The following COBLL1 variants were observed in gnomAD, a reference collection of about 807,000 sequenced individuals.
COBLL1 encodes cordon-bleu WH2 repeat protein like 1.
COBLL1 carries 50 observed loss-of-function variants against 94.8 expected under a neutral mutation model. The ratio of observed to expected loss-of-function variants is 0.53; its 90% CI spans 0.42 to 0.67. The LOEUF (loss-of-function observed/expected upper bound fraction) is 0.67. Among genes scored for constraint, COBLL1 ranks in the 30% least tolerant of loss-of-function variants. The probability of loss-of-function intolerance (pLI) is 0.00; values close to 1 mark genes in which losing one functional copy is unlikely to be tolerated. For missense variants in COBLL1, 1,362 were observed against 1,348.7 expected, an observed-to-expected ratio of 1.01 and a Z score of -0.15; for synonymous variants, 448 against 473.8, an observed-to-expected ratio of 0.95 and a Z score of 0.71.
rs553058065 is a variant in COBLL1 at position 164,662,223 on chromosome 2, T to C, written n.181+3624A>G. ...GGCTTCAGGCTCTCCAGCAGCCAGA[T>C]ATTCCTTAAATAGCTTGGGTCTGTC... is the stretch of plus-strand genomic sequence containing the variant. On this transcript the variant is annotated intron_variant and non_coding_transcript_variant, in intron 2 of 2. Transcript: ENST00000495084. Among the ~76,000 whole-genome samples, 3 of 152,346 alleles carry C rather than the reference T, an allele frequency of 2.0e-5. No homozygotes were observed. The South Asian group carries it at 6.2e-4, about 32-fold the overall frequency.
chr2:164,662,366 G>C (rs1479646908), intron 2 of COBLL1, among the ~76,000 whole-genome samples: 1 of 152,310 alleles, frequency 6.6e-6, no homozygotes, highest in African/African-American at 2.4e-5. Flanking sequence ...CCAAGAAACT[G>C]TGTGGAAATG....
rs975532938 is a variant in COBLL1 at position 164,684,357 on chromosome 2, A to G, written c.*1589T>C. On this transcript the variant is annotated 3_prime_UTR_variant, in exon 14 of 14. Transcript: ENST00000652658. ...TTAAGTCTTCAATCCAACTCAAAAT[A>G]TATGAAGGTTTAAATTAGGGATCCA... is the stretch of plus-strand genomic sequence containing the variant. 6 of 152,144 alleles carry G rather than the reference A, an allele frequency of 3.9e-5. No homozygotes were observed. The highest frequency in any genetic ancestry group is 1.4e-4 in the African/African-American group (6 of 41,440). The allele number at this position is 152,144 out of a possible 1,614,324, so 9.4% of individuals were successfully genotyped here.
intron 2 of COBLL1, among the ~76,000 whole-genome samples, chr2:164,793,699 T>A (rs1158386609): frequency 6.6e-6 from 1 of 152,022 alleles, no homozygotes; most frequent in East Asian, 1.9e-4. Context: ...CAGGTCCCCA[T>A]GGGACAAGGA....
chr2:164,677,464 C>G (rs1039498671), downstream of COBLL1, among the ~76,000 whole-genome samples: 42 of 152,214 alleles, frequency 2.8e-4, 1 homozygote, highest in Non-Finnish European at 5.3e-4. Context: ...TATGGGACAA[C>G]AAAACATGCT....
chr2:164,743,207 GT>G (rs201813453), intron 3 of COBLL1: 2,610 of 152,350 alleles, frequency 0.017, 25 homozygotes, highest in South Asian at 0.027. Flanking sequence ...AGATTTAACT[GT>G]TTTGATACAT....
At chr2:164,747,145 C>CA (rs1051401827) in intron 2 of COBLL1, among the ~76,000 whole-genome samples, 1 of 151,664 alleles carries the variant, frequency 6.6e-6, no homozygotes, top group African/African-American at 2.4e-5. Flanking sequence ...TCCTTACCAC[C>CA]AAAAAATAAA....
chr2:164,801,469 A>AAAAAAAAAAAAAT (rs1683797649), intron 2 of COBLL1, among the ~76,000 whole-genome samples: 6 of 128,150 alleles, frequency 4.7e-5, no homozygotes, highest in African/African-American at 1.8e-4. Context: ...AAAAAAAAAA[A>AAAAAAAAAAAAAT]GCTTAGCTAA....
chr2:164,822,733 TATA>T (rs1186515000), intron 2 of COBLL1, among the ~76,000 whole-genome samples: 1 of 75,334 alleles, frequency 1.3e-5, no homozygotes, highest in Non-Finnish European at 2.7e-5. Flanking sequence ...AAGATTATAT[TATA>T]TTATTATTAT....
chr2:164,707,507 A>G (rs1336944035), intron 7 of COBLL1, among the ~76,000 whole-genome samples: 1 of 152,074 alleles, frequency 6.6e-6, no homozygotes, highest in Non-Finnish European at 1.5e-5. Context: ...TCCTAGATTT[A>G]TTTCTATGAT....
chr2:164,701,899 G>T (rs933431684), intron 9 of COBLL1, among the ~76,000 whole-genome samples: 1 of 151,034 alleles, frequency 6.6e-6, no homozygotes, highest in Non-Finnish European at 1.5e-5. Context: ...TGGTGGGAGG[G>T]GGGGGCGGGG....
chr2:164,675,619 T>C (rs1051262673), downstream of COBLL1, among the ~76,000 whole-genome samples: 6 of 152,164 alleles, frequency 3.9e-5, no homozygotes, highest in African/African-American at 7.2e-5. Context: ...GGACAAAAAG[T>C]GAGCCGAAAG....
intron 2 of COBLL1, among the ~76,000 whole-genome samples, chr2:164,769,096 G>A (rs1688076399): frequency 6.6e-6 from 1 of 152,082 alleles, no homozygotes. Context: ...AATAAAACAT[G>A]GTTGAATGAT....
At chr2:164,756,408 T>G (rs1239082536) in intron 2 of COBLL1, among the ~76,000 whole-genome samples, 1 of 152,176 alleles carries the variant, frequency 6.6e-6, no homozygotes, top group Non-Finnish European at 1.5e-5. Flanking sequence ...TTCTTTAACA[T>G]TTAGTAATAT....
chr2:164,786,347 AT>A (rs1478611726), intron 2 of COBLL1, among the ~76,000 whole-genome samples: 1 of 152,248 alleles, frequency 6.6e-6, no homozygotes, highest in Admixed American at 6.5e-5. Context: ...CCTAAAAGTC[AT>A]GCCAAATAAA....
intron 2 of COBLL1, among the ~76,000 whole-genome samples, chr2:164,769,851 A>G (rs16849734): frequency 0.016 from 2,437 of 152,232 alleles, 28 homozygotes; most frequent in South Asian, 0.027. Flanking sequence ...AAATAAGTAC[A>G]ATTCCTGTAT....
chr2:164,667,371 G>T (rs889033605), intron 1 of COBLL1, among the ~76,000 whole-genome samples: 1 of 152,152 alleles, frequency 6.6e-6, no homozygotes, highest in Admixed American at 6.5e-5. Context: ...TCAACTTAAA[G>T]TCACCAGTTC....
Position 164,722,319 on chromosome 2 carries a change from A to C in COBLL1, c.760-8T>G. 1 of 1,604,118 alleles carries C rather than the reference A, an allele frequency of 6.2e-7. No homozygotes were observed. Among genetic ancestry groups the C allele is most frequent in the Non-Finnish European group, 8.5e-7 (1 of 1,172,998 alleles). On this transcript the variant is annotated splice_polypyrimidine_tract_variant and splice_region_variant and intron_variant, in intron 6 of 13. Transcript: ENST00000652658. ...TGCAGGGGCACTTGCAGTCTAGTAA[A>C]GAATGACAAAGACAAAATCTAGTAA...
chr2:164,744,423 T>C (rs533245933), intron 2 of COBLL1, among the ~76,000 whole-genome samples: 4 of 152,294 alleles, frequency 2.6e-5, no homozygotes, highest in African/African-American at 9.6e-5. Context: ...CTTCTTTGAA[T>C]TGATATAGCA....
intron 2 of COBLL1, among the ~76,000 whole-genome samples, chr2:164,821,428 A>G: frequency 6.6e-6 from 1 of 152,214 alleles, no homozygotes; most frequent in East Asian, 1.9e-4. Flanking sequence ...TTTATAATGT[A>G]ATGGGATTAT....
Sources: gnomAD v4.1 joint callset for allele counts (sites outside exome capture counted in the v4.1 genomes callset) on GRCh38, gnomAD v4.1.1 for gene constraint, MANE v1.5 for transcripts, NCBI Gene and HGNC (gene_info 2026-07-23, HGNC 2026-07-21) for gene names.